BCCIP: variants seen among roughly 807,000 people sequenced by gnomAD.
BCCIP encodes BRCA2 and CDKN1A interacting protein.
A neutral mutation model predicts 32.8 loss-of-function variants in BCCIP; 23 were observed. The observed-to-expected ratio is 0.70, with a 90% CI of 0.51 to 0.99. The LOEUF is 0.99. BCCIP is among the 50% of genes least tolerant of loss of function. The probability of loss-of-function intolerance (pLI) is 0.00; values close to 1 mark genes in which losing one functional copy is unlikely to be tolerated. For synonymous variants in BCCIP, 144 were observed against 137.6 expected, an observed-to-expected ratio of 1.05 and a Z score of -0.33; for missense variants, 378 against 379.8, an observed-to-expected ratio of 1.00 and a Z score of 0.04.
exon 8 of BCCIP, chr10:125,853,613 A>G (rs1944119512): frequency 4.4e-6 from 1 of 228,120 alleles, no homozygotes; most frequent in South Asian, 1.2e-4. Context: ...TCATAAGAAG[A>G]GATCAGTTTA....
downstream of BCCIP, chr10:125,840,861 T>A: frequency 1.3e-6 from 2 of 1,594,112 alleles, no homozygotes; most frequent in African/African-American, 1.3e-5. Context: ...ACTGCTAGAA[T>A]TCAGAGTTGT....
At chr10:125,852,650 TG>T (rs942263596) in intron 7 of BCCIP, 2 of 1,597,210 alleles carry the variant, frequency 1.3e-6, no homozygotes, top group Non-Finnish European at 1.7e-6. Flanking sequence ...CACCTTTAAA[TG>T]GAAAGACAGC....
chr10:125,830,536 T>A, intron 3 of BCCIP, 26 bp from the exon 4 acceptor site: 1 of 1,434,580 alleles, frequency 7.0e-7, no homozygotes, highest in Non-Finnish European at 9.7e-7. Flanking sequence ...AAATATAACA[T>A]TTAAATATTT....
intron 1 of BCCIP, 26 bp downstream of exon 1, chr10:125,823,748 G>T: frequency 6.2e-7 from 1 of 1,609,910 alleles, no homozygotes; most frequent in East Asian, 2.2e-5. Context: ...TCCCCTAGTT[G>T]GTTTATACCT....
At chr10:125,827,482 T>C in intron 2 of BCCIP, 76 bp from the exon 3 acceptor site, 1 of 1,007,156 alleles carries the variant, frequency 9.9e-7, no homozygotes, top group Non-Finnish European at 1.5e-6. Flanking sequence ...TCATTGTTTG[T>C]ATTTGAATAT....
At chr10:125,835,915 A>G (rs1854668317) in intron 6 of BCCIP, among the ~76,000 whole-genome samples, 189 bp from the exon 7 acceptor site, 1 of 152,184 alleles carries the variant, frequency 6.6e-6, no homozygotes, top group African/African-American at 2.4e-5. Context: ...TTTAAAATCT[A>G]CTTGGTTTGT....
At chr10:125,843,367 T>G (rs967768224), downstream of BCCIP, among the ~76,000 whole-genome samples, 1 of 152,094 alleles carries the variant, frequency 6.6e-6, no homozygotes, top group Non-Finnish European at 1.5e-5. Context: ...AAACCTCACT[T>G]TGGGAGGCCG....
intron 1 of BCCIP, chr10:125,825,427 G>A (rs1854367921): frequency 1.3e-5 from 2 of 152,174 alleles, no homozygotes; most frequent in African/African-American, 4.8e-5. Context: ...ATGACAGTTT[G>A]TTATTTGGTT....
At chr10:125,834,086 A>T in intron 6 of BCCIP, 140 bp downstream of exon 6, 1 of 883,088 alleles carries the variant, frequency 1.1e-6, no homozygotes, top group Non-Finnish European at 1.7e-6. Flanking sequence ...CACAGGACCT[A>T]GCAGCTAACA....
At chr10:125,839,225 T>C (rs891654323), downstream of BCCIP, 5 of 1,601,414 alleles carry the variant, frequency 3.1e-6, no homozygotes, top group Non-Finnish European at 4.3e-6. Context: ...TTAGAAATGA[T>C]TTGTCAGAAG....
chr10:125,837,176 C>T (rs373865551), downstream of BCCIP, among the ~76,000 whole-genome samples: 48 of 152,310 alleles, frequency 3.2e-4, no homozygotes, highest in South Asian at 9.5e-3. Flanking sequence ...CAATCGTATG[C>T]TTAAGAGAGC....
At chr10:125,835,971 C>A in intron 6 of BCCIP, 133 bp from the exon 7 acceptor site, 1 of 781,842 alleles carries the variant, frequency 1.3e-6, no homozygotes, top group Non-Finnish European at 2.0e-6. Context: ...TTTTTCAATT[C>A]TGAGTTTTGC....
intron 5 of BCCIP, among the ~76,000 whole-genome samples, chr10:125,832,456 T>C (rs1024249069): frequency 3.9e-5 from 6 of 152,246 alleles, no homozygotes; most frequent in Non-Finnish European, 5.9e-5. Flanking sequence ...TTGCTGTTTT[T>C]TCCTAGGGAT....
intron 7 of BCCIP, among the ~76,000 whole-genome samples, chr10:125,849,241 C>T (rs1944060606): frequency 6.6e-6 from 1 of 152,210 alleles, no homozygotes; most frequent in Admixed American, 6.5e-5. Context: ...CCACAGCCAT[C>T]TTTCCGCCTG....
At chr10:125,838,200 A>G (rs369993092), downstream of BCCIP, 13 of 1,574,720 alleles carry the variant, frequency 8.3e-6, no homozygotes, top group Non-Finnish European at 6.0e-6. Flanking sequence ...TCTCCATTAA[A>G]CTTACAGTTC....
At chr10:125,840,457 G>A (rs1269079524), downstream of BCCIP, among the ~76,000 whole-genome samples, 1 of 152,248 alleles carries the variant, frequency 6.6e-6, no homozygotes, top group Non-Finnish European at 1.5e-5. Flanking sequence ...CGTGGTGAAT[G>A]TGCCAGGATA....
chr10:125,841,683 T>C (rs1001935200), exon 7 of BCCIP: 6 of 1,573,780 alleles, frequency 3.8e-6, no homozygotes, highest in Admixed American at 4.2e-5. Flanking sequence ...ATGGATCCGA[T>C]CTAAATCTAT....
intron 2 of BCCIP, among the ~76,000 whole-genome samples, chr10:125,827,332 C>T (rs1405058054): frequency 6.6e-6 from 1 of 151,572 alleles, no homozygotes; most frequent in African/African-American, 2.4e-5. Context: ...CTTTTTTCTC[C>T]CCCTCCCCCA....
downstream of BCCIP, among the ~76,000 whole-genome samples, chr10:125,843,473 G>A (rs756994730): frequency 5.9e-5 from 9 of 152,222 alleles, no homozygotes; most frequent in East Asian, 3.9e-4. Flanking sequence ...TTAGCCGGGC[G>A]TGGTGGCAGG....
Sources: gnomAD v4.1 joint callset for allele counts (sites outside exome capture counted in the v4.1 genomes callset) on GRCh38, gnomAD v4.1.1 for gene constraint, MANE v1.5 for transcripts, NCBI Gene and HGNC (gene_info 2026-07-23, HGNC 2026-07-21) for gene names.